ADAMTSL2: variants seen among roughly 807,000 people sequenced by gnomAD.
ADAMTSL2 encodes the protein ADAMTS-like protein 2.
Under a neutral mutation model 117.0 loss-of-function variants are expected in ADAMTSL2, and 55 were observed. The observed-to-expected ratio is 0.47, with a 90% CI of 0.38 to 0.59. The LOEUF is 0.59. Ranked by LOEUF, ADAMTSL2 falls within the 20% of genes least tolerant of loss-of-function variation. The pLI, the probability that ADAMTSL2 is intolerant of heterozygous loss-of-function variation, is 0.00. For missense variants in ADAMTSL2, 1,182 were observed against 1,354.5 expected (o/e 0.87, Z 2.00); for synonymous variants, 572 against 566.4 (o/e 1.01, Z -0.14).
At chr9:133,555,517 C>T in intron 10 of ADAMTSL2, 41 bp from the exon 11 acceptor site, 4 of 1,612,588 alleles carry the variant, frequency 2.5e-6, no homozygotes, top group Non-Finnish European at 3.4e-6. Flanking sequence ...GCCCCCAGGG[C>T]TCGGATGTGC....
chr9:133,542,903 A>C (rs1382772434), intron 7 of ADAMTSL2, among the ~76,000 whole-genome samples: 1 of 152,192 alleles, frequency 6.6e-6, no homozygotes, highest in African/African-American at 2.4e-5. Flanking sequence ...ATTTAAATAC[A>C]TTATATTTAA....
At chr9:133,550,200 A>G (rs1275608759) in intron 9 of ADAMTSL2, among the ~76,000 whole-genome samples, 3 of 152,254 alleles carry the variant, frequency 2.0e-5, no homozygotes, top group East Asian at 1.9e-4. Context: ...AGTAAGATCT[A>G]CTTCACTAAA....
chr9:133,555,109 G>T (rs1830575475), intron 10 of ADAMTSL2, among the ~76,000 whole-genome samples: 1 of 152,082 alleles, frequency 6.6e-6, no homozygotes, highest in African/African-American at 2.4e-5. Context: ...GCGCCCCTTG[G>T]CTGTGACCGT....
At chr9:133,571,400 G>A (rs1831103704) in intron 17 of ADAMTSL2, among the ~76,000 whole-genome samples, 1 of 152,198 alleles carries the variant, frequency 6.6e-6, no homozygotes, top group Non-Finnish European at 1.5e-5. Flanking sequence ...GCCCTGGGCA[G>A]GGAGCCCCGA....
At chr9:133,551,123 T>G (rs924529359) in intron 9 of ADAMTSL2, among the ~76,000 whole-genome samples, 2 of 152,208 alleles carry the variant, frequency 1.3e-5, no homozygotes, top group Non-Finnish European at 2.9e-5. Context: ...TTACATCACA[T>G]GCACTGCCTG....
Position 133,575,040 on chromosome 9 carries a change from G to C in ADAMTSL2, c.*176G>C. 3.3e-6 allele frequency: 2 copies of C among 614,624 alleles called. No homozygotes were observed. Among genetic ancestry groups the C allele is most frequent in the South Asian group, 3.8e-5 (2 of 52,426 alleles). The allele number at this position is 614,624 out of a possible 1,614,324, so 38.1% of individuals were successfully genotyped here. A position where few individuals can be genotyped will look rare whatever the true frequency, so the allele number is the denominator to read the frequency against. On this transcript the variant is annotated 3_prime_UTR_variant, in exon 19 of 19. Transcript: ENST00000651351. ...ACGGCCCGTGGACCTTTGTGCTCCT[G>C]GGGCAGAGCCTCCGGCACCCAGTGG...
intron 8 of ADAMTSL2, among the ~76,000 whole-genome samples, chr9:133,545,278 G>A (rs568718456): frequency 2.6e-5 from 4 of 152,282 alleles, no homozygotes; most frequent in Non-Finnish European, 5.9e-5. Context: ...GCGGGCTTGG[G>A]TATAGGGACG....
At chr9:133,538,500 T>A in intron 4 of ADAMTSL2, 76 bp downstream of exon 4, 1 of 1,539,982 alleles carries the variant, frequency 6.5e-7, no homozygotes, top group Non-Finnish European at 8.9e-7. Context: ...GTCTTCCAGG[T>A]GGCTCCTGGG....
chr9:133,558,503 C>T lies in ADAMTSL2; in HGVS notation c.1649+2573C>T, dbSNP rs1040573387. Among the ~76,000 whole-genome samples the T allele has an allele frequency of 6.6e-6, 1 of 152,248 alleles. No individual in the cohort carries two copies. Among genetic ancestry groups the T allele is most frequent in the Non-Finnish European group, 1.5e-5 (1 of 68,040 alleles). ...ACTTTGGGAACAAGCTTCTGAGACA[C>T]AGAGACGCGGAGTCCCTCTCCGCAG... is the stretch of plus-strand genomic sequence containing the variant. On this transcript the variant is annotated intron_variant, in intron 11 of 18. Coordinates refer to ENST00000651351, the MANE Select transcript of ADAMTSL2 (RefSeq NM_014694.4). The surrounding 1 kb of genome is among the most constrained non-coding windows in gnomAD (Gnocchi z 4.3).
intron 7 of ADAMTSL2, among the ~76,000 whole-genome samples, chr9:133,541,311 C>CA (rs1830219073): frequency 6.9e-6 from 1 of 145,606 alleles, no homozygotes; most frequent in Non-Finnish European, 1.5e-5. Flanking sequence ...TTTTTTGAGA[C>CA]AGAGTCTTGC....
intron 9 of ADAMTSL2, among the ~76,000 whole-genome samples, chr9:133,552,655 C>A (rs942175217): frequency 6.6e-6 from 1 of 152,190 alleles, no homozygotes; most frequent in Admixed American, 6.5e-5. Context: ...CTGATCTGCT[C>A]TAGGAGAGAG....
chr9:133,535,441 C>T (rs10122535), intron 1 of ADAMTSL2, among the ~76,000 whole-genome samples: 65,229 of 151,008 alleles, frequency 0.43, 14,896 homozygotes, highest in African/African-American at 0.57. Flanking sequence ...TGCACTGCTG[C>T]GTCGTCCGGG....
rs931354674 is a variant in ADAMTSL2, at chr9:133,544,518, T to C, written c.731T>C (p.Ile244Thr). 1 of 1,614,076 alleles carries C rather than the reference T, an allele frequency of 6.2e-7. No homozygotes were observed. The highest frequency in any genetic ancestry group is 1.7e-4 in the Middle Eastern group (1 of 6,060). ...HIPAGARDIQ[I>T]VERKKSADVL... is the part of the protein sequence containing the mutation. ...CCGGCTGGTGCCCGAGACATCCAGA[T>C]TGTAGAGAGGAAGAAGTCCGCTGAC... Residue 244 changes from isoleucine to threonine, a missense_variant, in exon 8 of 19, where the codon ATT becomes ACT. Physicochemically the swap from Ile to Thr is moderately conservative, Grantham distance 89. Around this residue, in one of 3 missense-constraint regions of ADAMTSL2, gnomAD observed 372 missense variants for 463.4 expected, o/e 0.80. Coordinates refer to ENST00000651351, the MANE Select transcript of ADAMTSL2 (RefSeq NM_014694.4).
At chr9:133,573,165 C>T (rs1280842874) in intron 17 of ADAMTSL2, among the ~76,000 whole-genome samples, 4 of 152,332 alleles carry the variant, frequency 2.6e-5, no homozygotes, top group South Asian at 2.1e-4. Flanking sequence ...AGGTCCCAGA[C>T]GTGCCTGGAT....
chr9:133,562,470 G>A (rs1444043988), intron 12 of ADAMTSL2, among the ~76,000 whole-genome samples: 15 of 147,460 alleles, frequency 1.0e-4, no homozygotes, highest in African/African-American at 3.2e-4. Flanking sequence ...GCCGTGGGCG[G>A]CGTGGCGGGC....
intron 12 of ADAMTSL2, among the ~76,000 whole-genome samples, chr9:133,564,934 C>T (rs996090051): frequency 2.0e-5 from 3 of 152,116 alleles, no homozygotes; most frequent in African/African-American, 7.2e-5. Flanking sequence ...ATCAGTGGGG[C>T]AGATCAGCCT....
intron 12 of ADAMTSL2, 108 bp downstream of exon 12, chr9:133,561,403 T>C (rs1212641282): frequency 2.9e-6 from 3 of 1,027,236 alleles, no homozygotes; most frequent in Admixed American, 2.0e-5. Flanking sequence ...CAAACTGCCC[T>C]CGGGGTGCTT....
upstream of ADAMTSL2, chr9:133,534,246 C>G (rs934418369): frequency 6.5e-6 from 1 of 153,416 alleles, no homozygotes; most frequent in South Asian, 2.1e-4. Context: ...TTCTGAGGCT[C>G]GTGACCTGGG....
chr9:133,549,265 A>G (rs1830427731), intron 9 of ADAMTSL2, among the ~76,000 whole-genome samples: 2 of 5,328 alleles, frequency 3.8e-4, no homozygotes, highest in East Asian at 1.6e-3. Context: ...CGGCCTCCCA[A>G]AGTGCTGGGA....
Sources: allele counts gnomAD v4.1 joint callset (sites outside exome capture counted in the v4.1 genomes callset), GRCh38; gene constraint gnomAD v4.1.1; regional missense constraint gnomAD v4.1.1; non-coding constraint Gnocchi (gnomAD v3.1); transcripts MANE v1.5; gene names NCBI Gene and HGNC (gene_info 2026-07-23, HGNC 2026-07-21).